ZBTB45: variants seen among roughly 807,000 people sequenced by gnomAD.
The protein encoded by ZBTB45 is zinc finger and BTB domain containing 45, also known as zinc finger and BTB domain-containing protein 45.
In ZBTB45, 22 loss-of-function variants were observed where a neutral mutation model predicts 28.4. The observed-to-expected ratio is 0.77, with a 90% CI of 0.55 to 1.10. The LOEUF is 1.10. Among genes scored for constraint, ZBTB45 ranks in the 50% least tolerant of loss-of-function variants. ZBTB45 has a pLI of 0.00. For synonymous variants in ZBTB45, 361 were observed against 332.3 expected (o/e 1.09, Z -0.94); for missense variants, 656 against 750.2 (o/e 0.87, Z 1.47).
chr19:58,529,863 C>T (rs935223340), intron 1 of ZBTB45, among the ~76,000 whole-genome samples: 1 of 152,102 alleles, frequency 6.6e-6, no homozygotes, highest in Admixed American at 6.6e-5. Flanking sequence ...AAGGTTCAAC[C>T]GTGTTGTAGC....
chr19:58,532,366 C>A (rs999869977), intron 1 of ZBTB45, among the ~76,000 whole-genome samples: 1 of 152,038 alleles, frequency 6.6e-6, no homozygotes, highest in African/African-American at 2.4e-5. Context: ...TAACATGAAT[C>A]GTAAGAGAGA....
At chr19:58,531,422 G>A (rs1433339365) in intron 1 of ZBTB45, among the ~76,000 whole-genome samples, 1 of 152,134 alleles carries the variant, frequency 6.6e-6, no homozygotes. Flanking sequence ...TACACTTACG[G>A]GTTCCCCCTA....
chr19:58,524,879 T>A (rs185240213), intron 1 of ZBTB45, among the ~76,000 whole-genome samples: 2 of 129,354 alleles, frequency 1.5e-5, no homozygotes, highest in East Asian at 5.9e-4. Context: ...TGAGACTCCG[T>A]CTCAAAAAAA....
intron 1 of ZBTB45, among the ~76,000 whole-genome samples, chr19:58,528,113 G>C (rs542319775): frequency 7.9e-5 from 12 of 152,296 alleles, no homozygotes; most frequent in African/African-American, 2.6e-4. Flanking sequence ...ATTTGTGCCA[G>C]CAACGTGCAT....
Position 58,517,200 on chromosome 19 carries a change from A to G in ZBTB45, c.474T>C (p.Ala158=), listed in dbSNP as rs1330421633. 3.1e-6 allele frequency: 5 copies of G among 1,604,604 alleles called. No homozygotes were observed. The change falls in exon 2 of 3, where the codon GCT becomes GCC. Residue 158 remains alanine, a synonymous_variant. Transcript: ENST00000594051. ...CACCGGGGTGCCCCGGGGGACGTGC[A>G]GCCAGCAGGTGGCGCAGGCGGTGAC... The part of the protein sequence containing the change: ...QLRHRLRHLL[A]ARPPGHPGAA...
intron 1 of ZBTB45, among the ~76,000 whole-genome samples, chr19:58,530,028 C>T (rs775329841): frequency 6.6e-6 from 1 of 152,060 alleles, no homozygotes; most frequent in Non-Finnish European, 1.5e-5. Context: ...CGTTACAAAA[C>T]CCTGTCTCTA....
intron 1 of ZBTB45, among the ~76,000 whole-genome samples, chr19:58,536,075 A>G (rs2053658493): frequency 6.6e-6 from 1 of 152,108 alleles, no homozygotes; most frequent in Non-Finnish European, 1.5e-5. Flanking sequence ...AGTTGTCACC[A>G]GAATTGGATT....
chr19:58,517,221 G>T lies in ZBTB45; in HGVS notation c.453C>A (p.His151Gln). The change falls in exon 2 of 3, where the codon CAC becomes CAA. Residue 151 changes from histidine (H) to glutamine (Q), a missense_variant. By Grantham distance (24) the His-to-Gln change is conservative. Transcript: ENST00000594051. Reference protein sequence around the residue: ...PPPLAPAQLRHRLRHLLAARP... With the variant: ...PPPLAPAQLRQRLRHLLAARP... ...GTGCAGCCAGCAGGTGGCGCAGGCG[G>T]TGACGCAGCTGCGCAGGTGCGAGTG... 6.2e-7 allele frequency: 1 copy of T among 1,600,546 alleles called. No individual in the cohort carries two copies. The highest frequency in any genetic ancestry group is 8.5e-7 in the Non-Finnish European group (1 of 1,175,110).
rs184687778 is a variant in ZBTB45, at chr19:58,518,129, G to A, written c.1-456C>T. Among the ~76,000 whole-genome samples the A allele has an allele frequency of 3.3e-3, 507 of 151,750 alleles. 6 individuals are homozygous for A. Among genetic ancestry groups the A allele is most frequent in the Non-Finnish European group, 6.5e-4 (44 of 67,938 alleles). ...AACTGGCTAACCTGCCTCACCCCGA[G>A]TAGACCTTGCTCTCTACCCAGCTAG... On this transcript the variant is annotated intron_variant, in intron 1 of 2. Transcript: ENST00000594051.
intron 1 of ZBTB45, among the ~76,000 whole-genome samples, chr19:58,530,306 C>T (rs1471006055): frequency 6.6e-6 from 1 of 152,044 alleles, no homozygotes; most frequent in Non-Finnish European, 1.5e-5. Flanking sequence ...TGGGTTGTTT[C>T]TACTTTTAGT....
chr19:58,536,234 G>A (rs543297367), intron 1 of ZBTB45, among the ~76,000 whole-genome samples: 32 of 152,202 alleles, frequency 2.1e-4, no homozygotes, highest in Non-Finnish European at 2.9e-4. Context: ...GGGAGGCCGA[G>A]ATGGGTGGAT....
chr19:58,523,044 C>T (rs902127143), upstream of ZBTB45, among the ~76,000 whole-genome samples: 16 of 152,122 alleles, frequency 1.1e-4, no homozygotes, highest in South Asian at 4.2e-4. Context: ...GGAGAGGACA[C>T]GGGTGGCTTT....
At position 58,525,174 on chromosome 19, in the gene ZBTB45, G is replaced by A. The variant is rs981104381; in HGVS notation, c.1-7501C>T. ...CTCCCTCCACCCTCCATCACTTCCC[G>A]GCCAGCCTTTCATCCAGGCTCCCCC... On this transcript the variant is annotated intron_variant, in intron 1 of 1. Transcript: ENST00000600130. Among the ~76,000 whole-genome samples the A allele has an allele frequency of 3.9e-5, 6 of 151,990 alleles. No individual in the cohort carries two copies. In the East Asian group the frequency reaches 7.7e-4, roughly 20 times the overall value.
At position 58,516,278 on chromosome 19, in the gene ZBTB45, C is replaced by G. The variant is rs1600056262; in HGVS notation, c.1279+117G>C. 7.5e-6 allele frequency: 10 copies of G among 1,325,402 alleles called. No individual in the cohort carries two copies. The East Asian group carries it at 1.5e-4, about 20-fold the overall frequency. The allele number at this position is 1,325,402 out of a possible 1,614,324, so 82.1% of individuals were successfully genotyped here. On this transcript the variant is annotated intron_variant, in intron 2 of 2. Transcript: ENST00000594051. This position sits in a 1 kb window ranked among gnomAD's most constrained non-coding sequence, Gnocchi z 6.2. ...TGGGGGAAGGCTCAATTTCTAGGCC[C>G]CCTGCTAACCAAAAGTAACAGAACA...
At chr19:58,534,399 TA>T (rs1432888339) in intron 1 of ZBTB45, among the ~76,000 whole-genome samples, 2 of 151,912 alleles carry the variant, frequency 1.3e-5, no homozygotes, top group East Asian at 3.8e-4. Flanking sequence ...TTATTATTAT[TA>T]TTATTATTTT....
chr19:58,525,517 G>A (rs967876203), intron 1 of ZBTB45, among the ~76,000 whole-genome samples: 1 of 152,168 alleles, frequency 6.6e-6, no homozygotes, highest in Non-Finnish European at 1.5e-5. Flanking sequence ...GCAATGGCAG[G>A]ATCCCCTGTA....
Position 58,530,235 on chromosome 19 carries a change from A to ACACACC in ZBTB45, c.-1+8465_-1+8466insGGTGTG, listed in dbSNP as rs748094857. ...CACACACACACACACACACACACAC[A>ACACACC]CCTCAGTTGTATGGATACACCACAT... On this transcript the variant is annotated intron_variant, in intron 1 of 1. Transcript: ENST00000600130. Among the ~76,000 whole-genome samples, 3 of 150,354 alleles carry ACACACC rather than the reference A, an allele frequency of 2.0e-5. No homozygotes were observed. In the East Asian group the frequency reaches 5.9e-4, roughly 30 times the overall value.
At position 58,516,366 on chromosome 19, in the gene ZBTB45, G is replaced by C; in HGVS notation, c.1279+29C>G. ...AGGTTTAACTCTCCGATGAGAGATT[G>C]CTCCCTCTCCTCCCCCGCCCTGGCT... On this transcript the variant is annotated intron_variant, in intron 2 of 2. Coordinates refer to ENST00000594051, the MANE Select transcript of ZBTB45 (RefSeq NM_001316979.2). This position sits in a 1 kb window ranked among gnomAD's most constrained non-coding sequence, Gnocchi z 6.2. 2.5e-6 allele frequency: 4 copies of C among 1,613,170 alleles called. No homozygotes were observed. Among genetic ancestry groups the C allele is most frequent in the Non-Finnish European group, 3.4e-6 (4 of 1,179,346 alleles).
chr19:58,518,780 G>A (rs2053548065), intron 1 of ZBTB45, among the ~76,000 whole-genome samples: 1 of 152,102 alleles, frequency 6.6e-6, no homozygotes, highest in South Asian at 2.1e-4. Flanking sequence ...GTCTAAGGGA[G>A]GAGGGTAGGA....
Sources: gnomAD v4.1 joint callset for allele counts (sites outside exome capture counted in the v4.1 genomes callset) on GRCh38, gnomAD v4.1.1 for gene constraint, Gnocchi (gnomAD v3.1) non-coding constraint, MANE v1.5 for transcripts, NCBI Gene and HGNC (gene_info 2026-07-23, HGNC 2026-07-21) for gene names.